The following WRN variants were observed in gnomAD, a reference collection of about 807,000 sequenced individuals.
WRN encodes WRN RecQ like helicase, also known as bifunctional 3'-5' exonuclease/ATP-dependent helicase WRN.
WRN carries 149 observed loss-of-function variants against 180.7 expected under a neutral mutation model. That is an observed-to-expected ratio of 0.82 (90% CI 0.72 to 0.94). The LOEUF (loss-of-function observed/expected upper bound fraction) is 0.94, where lower values mean the gene tolerates loss of function less well. WRN is among the 40% of genes least tolerant of loss of function. WRN has a pLI of 0.00. For synonymous variants in WRN, 548 were observed against 568.9 expected (o/e 0.96, Z 0.52); for missense variants, 1,661 against 1,700.1 (o/e 0.98, Z 0.40).
chr8:31,052,971 A>G (rs1812134051), intron 1 of WRN, among the ~76,000 whole-genome samples: 1 of 152,202 alleles, frequency 6.6e-6, no homozygotes, highest in Non-Finnish European at 1.5e-5. Context: ...AAGAGCTGCC[A>G]TTTTCAATTA....
At chr8:31,079,404 C>T (rs892825582) in intron 8 of WRN, among the ~76,000 whole-genome samples, 3 of 152,094 alleles carry the variant, frequency 2.0e-5, no homozygotes, top group African/African-American at 7.2e-5. Context: ...TAAACAAAAT[C>T]GCTAATGAAA....
At chr8:31,050,370 G>A (rs1472332972) in intron 1 of WRN, among the ~76,000 whole-genome samples, 3 of 152,122 alleles carry the variant, frequency 2.0e-5, no homozygotes, top group Admixed American at 2.0e-4. Flanking sequence ...TAGAGTCTGA[G>A]TTTTAAAATT....
intron 29 of WRN, 106 bp from the exon 30 acceptor site, chr8:31,147,258 T>A: frequency 6.9e-7 from 1 of 1,452,376 alleles, no homozygotes. Context: ...TATATTTCAG[T>A]TTATATTCAT....
In WRN at chr8:31,147,395, G is replaced by T; in HGVS notation, c.3491G>T (p.Arg1164Met). Residue 1164 changes from arginine (R) to methionine (M), a missense_variant, in exon 30 of 35, where the codon AGG (arginine) becomes ATG (methionine). Physicochemically the swap from Arg to Met is moderately conservative, Grantham distance 91. Around this residue, in one of 3 missense-constraint regions of WRN, gnomAD observed 1,141 missense variants for 1,149.4 expected, o/e 0.99. Transcript: ENST00000298139. ...IVLYGKLVEARQKHANKMDVP... is the reference protein window; with the variant it reads ...IVLYGKLVEAMQKHANKMDVP... ...TTATATGGCAAATTGGTAGAAGCTAGGCAGAAACATGCCAATAAAATGGAT... is the reference window on the plus strand; with the variant it reads ...TTATATGGCAAATTGGTAGAAGCTATGCAGAAACATGCCAATAAAATGGAT... 1 of 1,613,980 alleles carries T rather than the reference G, an allele frequency of 6.2e-7. No individual in the cohort carries two copies. Among genetic ancestry groups the T allele is most frequent in the South Asian group, 1.1e-5 (1 of 91,058 alleles).
intron 33 of WRN, among the ~76,000 whole-genome samples, chr8:31,166,708 C>T (rs562609530): frequency 2.0e-5 from 3 of 152,090 alleles, no homozygotes; most frequent in African/African-American, 4.8e-5. Context: ...GCACAATTTC[C>T]TTTAGAACAA....
intron 1 of WRN, among the ~76,000 whole-genome samples, chr8:31,044,973 A>C (rs983428375): frequency 2.6e-5 from 4 of 152,204 alleles, no homozygotes; most frequent in African/African-American, 9.6e-5. Context: ...TAAAATTTTG[A>C]TGCCTTCTAT....
rs1248248259 is a variant in WRN, at chr8:31,157,405, C to T, written c.3857C>T (p.Thr1286Ile). 6.2e-7 allele frequency: 1 copy of T among 1,614,078 alleles called. No homozygotes were observed. The highest frequency in any genetic ancestry group is 8.5e-7 in the Non-Finnish European group (1 of 1,180,002). Reference protein sequence around the residue: ...IAESRILPLMTIGMHLSQAVK... With the variant: ...IAESRILPLMIIGMHLSQAVK... ...GAGAGCAGGATTCTGCCTCTCATGA[C>T]AATTGGCATGCACTTATCCCAAGCG... is the stretch of plus-strand genomic sequence containing the variant. Residue 1286 changes from threonine to isoleucine, a missense_variant, in exon 33 of 35, where the codon ACA becomes ATA. Transcript: ENST00000298139.
chr8:31,088,150 G>T (rs1211607171), intron 12 of WRN, among the ~76,000 whole-genome samples: 1 of 152,046 alleles, frequency 6.6e-6, no homozygotes, highest in East Asian at 1.9e-4. Context: ...CTTTCCCTTT[G>T]TTTTTTTGTA....
chr8:31,047,316 T>C (rs1204417719), intron 1 of WRN, among the ~76,000 whole-genome samples: 11 of 152,244 alleles, frequency 7.2e-5, no homozygotes, highest in Non-Finnish European at 1.5e-5. Flanking sequence ...CTCATTTTTG[T>C]ATTTTTTGTA....
At chr8:31,110,050 C>T (rs1714706867) in intron 18 of WRN, among the ~76,000 whole-genome samples, 1 of 152,120 alleles carries the variant, frequency 6.6e-6, no homozygotes, top group South Asian at 2.1e-4. Flanking sequence ...TGTGGTTAAA[C>T]AAGTGTTTTA....
chr8:31,095,397 G>A (rs1031501918), intron 16 of WRN, among the ~76,000 whole-genome samples: 7 of 152,104 alleles, frequency 4.6e-5, no homozygotes, highest in African/African-American at 7.2e-5. Flanking sequence ...CTTTTGAAGA[G>A]CAGCAGTTTT....
chr8:31,036,516 T>TA (rs1811458180), intron 1 of WRN, among the ~76,000 whole-genome samples: 3 of 152,180 alleles, frequency 2.0e-5, no homozygotes, highest in Non-Finnish European at 2.9e-5. Context: ...CGCCAACACT[T>TA]ATCTTTTGTC....
chr8:31,156,342 GTATAAT>G (rs1264628913), intron 32 of WRN, among the ~76,000 whole-genome samples: 2 of 152,156 alleles, frequency 1.3e-5, no homozygotes, highest in Non-Finnish European at 2.9e-5. Flanking sequence ...TGATATGGTG[GTATAAT>G]TATCCTTACC....
Position 31,076,335 on chromosome 8 carries a change from T to G in WRN, c.839+48T>G, listed in dbSNP as rs1440236966. On this transcript the variant is annotated intron_variant, in intron 8 of 34. Transcript: ENST00000298139. The stretch of plus-strand genomic sequence containing the variant: ...TTTAACTTAAATCAATTCTGTTTAT[T>G]TTTTTATCACATTTTCCTATATGTG... 5 of 1,493,734 alleles carry G rather than the reference T, an allele frequency of 3.3e-6. No individual in the cohort carries two copies. In the South Asian group the frequency reaches 5.8e-5, roughly 17 times the overall value. 92.5% of individuals were successfully genotyped at this position (1,493,734 alleles called of 1,614,324 possible). A position where few individuals can be genotyped will look rare whatever the true frequency, so the allele number is the denominator to read the frequency against.
chr8:31,149,037 C>T (rs1414276063), intron 30 of WRN, among the ~76,000 whole-genome samples: 3 of 152,140 alleles, frequency 2.0e-5, no homozygotes, highest in Non-Finnish European at 4.4e-5. Flanking sequence ...ATAGATGTTA[C>T]TTGAGTGCAG....
In WRN at chr8:31,157,494, A is replaced by G. The variant is rs750389299; in HGVS notation, c.3946A>G (p.Ile1316Val). The change falls in exon 33 of 35, where the codon ATT becomes GTT. Residue 1316 changes from isoleucine to valine, a missense_variant. Physicochemically the swap from Ile to Val is conservative, Grantham distance 29. Coordinates refer to ENST00000298139, the MANE Select transcript of WRN (RefSeq NM_000553.6). ...AGLTPEVQKIIADVIRNPPVN... is the reference protein window; with the variant it reads ...AGLTPEVQKIVADVIRNPPVN... ...CCTGACTCCAGAGGTTCAGAAGATT[A>G]TTGCTGATGTTATCCGAAACCCTCC... The G allele has an allele frequency of 5.8e-5, 93 of 1,613,982 alleles. 3 individuals are homozygous for G. In the South Asian group the frequency reaches 9.6e-4, roughly 17 times the overall value.
At chr8:31,157,314 G>T in intron 32 of WRN, 54 bp from the exon 33 acceptor site, 1 of 1,607,910 alleles carries the variant, frequency 6.2e-7, no homozygotes, top group South Asian at 1.1e-5. Context: ...TTATTTCCAT[G>T]ACTGGAGTGG....
chr8:31,157,330 T>TGTAA, intron 32 of WRN, 38 bp from the exon 33 acceptor site: 2 of 1,611,950 alleles, frequency 1.2e-6, no homozygotes, highest in Non-Finnish European at 1.7e-6. Flanking sequence ...AGTGGACACT[T>TGTAA]TTACAACTCA....
chr8:31,064,891 G>T (rs778813155), intron 4 of WRN, 24 bp from the exon 5 acceptor site: 22 of 1,612,184 alleles, frequency 1.4e-5, no homozygotes, highest in South Asian at 8.8e-5. Context: ...CAGAACTTAT[G>T]GAAATAACAA....
Sources: gnomAD v4.1 joint callset for allele counts (sites outside exome capture counted in the v4.1 genomes callset) on GRCh38, gnomAD v4.1.1 for gene constraint, gnomAD v4.1.1 regional missense constraint, MANE v1.5 for transcripts, NCBI Gene and HGNC (gene_info 2026-07-23, HGNC 2026-07-21) for gene names.